SERPINA11: variants seen among roughly 807,000 people sequenced by gnomAD.
The protein encoded by SERPINA11 is serpin A11.
Under a neutral mutation model 29.4 loss-of-function variants are expected in SERPINA11, and 28 were observed. The observed-to-expected ratio is 0.95, with a 90% CI of 0.70 to 1.30. SERPINA11 has a LOEUF of 1.30. Among genes scored for constraint, SERPINA11 ranks in the 50% most tolerant of loss-of-function variants. The probability of loss-of-function intolerance (pLI) is 0.00; values close to 1 mark genes in which losing one functional copy is unlikely to be tolerated. For missense variants in SERPINA11, 530 were observed against 507.3 expected (o/e 1.04, Z -0.43); for synonymous variants, 253 against 206.6 (o/e 1.22, Z -1.92).
chr14:94,448,191 C>A lies in SERPINA11; in HGVS notation c.584G>T (p.Cys195Phe). The change falls in exon 2 of 5, where the codon TGC (cysteine) becomes TTC (phenylalanine). Residue 195 changes from cysteine (C) to phenylalanine (F), a missense_variant. Transcript: ENST00000334708. ...RRQTYGQVVD[C>F]LPEFSQDTFM... ...CGTGTCCTGGCTGAACTCCGGGAGGCAGTCCACGACTTGCCCGTATGTTTG... is the reference window on the plus strand; with the variant it reads ...CGTGTCCTGGCTGAACTCCGGGAGGAAGTCCACGACTTGCCCGTATGTTTG... 1 of 1,614,212 alleles carries A rather than the reference C, an allele frequency of 6.2e-7. No homozygotes were observed. The highest frequency in any genetic ancestry group is 8.5e-7 in the Non-Finnish European group (1 of 1,180,024).
Position 94,448,644 on chromosome 14 carries a change from G to A in SERPINA11, c.131C>T (p.Ala44Val), listed in dbSNP as rs750535308. 32 of 1,601,004 alleles carry A rather than the reference G, an allele frequency of 2.0e-5. No homozygotes were observed. Among genetic ancestry groups the A allele is most frequent in the Non-Finnish European group, 2.6e-5 (30 of 1,172,272 alleles). ...QPPRHQLSEP[A>V]PAYHRITPTI... ...GGGTGTGATTCTGTGGTAGGCGGGG[G>A]CTGGCTCTGAGAGCTGATGCCTGGG... is the stretch of plus-strand genomic sequence containing the variant. The change falls in exon 2 of 5, where the codon GCC (alanine) becomes GTC (valine). Residue 44 changes from alanine to valine, a missense_variant. Coordinates refer to ENST00000334708, the MANE Select transcript of SERPINA11 (RefSeq NM_001080451.2).
At position 94,448,490 on chromosome 14, in the gene SERPINA11, G is replaced by A. The variant is rs1165013121; in HGVS notation, c.285C>T (p.Thr95=). 1 of 1,614,206 alleles carries A rather than the reference G, an allele frequency of 6.2e-7. No individual in the cohort carries two copies. Among genetic ancestry groups the A allele is most frequent in the Non-Finnish European group, 8.5e-7 (1 of 1,180,042 alleles). The change falls in exon 2 of 5, where the codon ACC becomes ACT. Residue 95 remains threonine (T), a synonymous_variant. Transcript: ENST00000334708. ...ALLSLGAQAN[T]SALILEGLGF... is the part of the protein sequence containing the mutation. ...CCAGGCCCTCCAGGATCAGAGCTGA[G>A]GTGTTAGCTTGGGCCCCAAGAGAGA...
In SERPINA11 at chr14:94,452,780, A is replaced by G. The variant is rs1279624455; in HGVS notation, c.-55T>C. The stretch of plus-strand genomic sequence containing the variant: ...AGGTCTTCAGCACTGCATCACCTCT[A>G]CCCACAGGAAAATGGTGTTTGAAGA... On this transcript the variant is annotated 5_prime_UTR_variant, in exon 1 of 5. Transcript: ENST00000334708. 1.3e-5 allele frequency: 2 copies of G among 152,308 alleles called. No individual in the cohort carries two copies. Among genetic ancestry groups the G allele is most frequent in the African/African-American group, 4.8e-5 (2 of 41,442 alleles). 9.4% of individuals were successfully genotyped at this position (152,308 alleles called of 1,614,324 possible).
In SERPINA11 at chr14:94,449,471, T is replaced by TTCTG. The variant is rs1566784732; in HGVS notation, c.-3-695_-3-694insCAGA. Among the ~76,000 whole-genome samples the TTCTG allele has an allele frequency of 6.3e-3, 686 of 108,572 alleles. 19 individuals are homozygous for TTCTG. Among genetic ancestry groups the TTCTG allele is most frequent in the African/African-American group, 0.029 (638 of 21,854 alleles). 71.2% of individuals were successfully genotyped at this position (108,572 alleles called of 152,430 possible). ...TTTCTTTCTTTCTTTCTTTCTTTCTTTCTTTCTTTCTGTCTGTCTGTCTTT... is the reference window on the plus strand; with the variant it reads ...TTTCTTTCTTTCTTTCTTTCTTTCTTTCTGTCTTTCTTTCTGTCTGTCTGTCTTT... On this transcript the variant is annotated intron_variant, in intron 1 of 4. Transcript: ENST00000334708.
At chr14:94,446,192 G>T (rs904715886) in intron 3 of SERPINA11, 139 bp downstream of exon 3, 8 of 825,968 alleles carry the variant, frequency 9.7e-6, no homozygotes, top group Non-Finnish European at 1.6e-5. Flanking sequence ...TGAGAAAATT[G>T]CCAAGATCAC....
chr14:94,448,637 G>C lies in SERPINA11; in HGVS notation c.138C>G (p.Ala46=), dbSNP rs111846660. The part of the protein sequence containing the change: ...PRHQLSEPAP[A]YHRITPTITN... Reference sequence around the variant, plus strand: ...TAATGGTGGGTGTGATTCTGTGGTAGGCGGGGGCTGGCTCTGAGAGCTGAT... The same window carrying C: ...TAATGGTGGGTGTGATTCTGTGGTACGCGGGGGCTGGCTCTGAGAGCTGAT... The change falls in exon 2 of 5, where the codon GCC becomes GCG. Residue 46 remains alanine (A), a synonymous_variant. Coordinates refer to ENST00000334708, the MANE Select transcript of SERPINA11 (RefSeq NM_001080451.2). The C allele has an allele frequency of 4.0e-5, 64 of 1,604,004 alleles. 2 individuals are homozygous for C. The highest frequency in any genetic ancestry group is 2.8e-4 in the African/African-American group (21 of 74,744).
chr14:94,448,841 C>A (rs1898501119), intron 1 of SERPINA11, 64 bp from the exon 2 acceptor site: 4 of 1,429,164 alleles, frequency 2.8e-6, no homozygotes, highest in Admixed American at 2.4e-5. Context: ...CTCTATTGCT[C>A]ATACCACAAA....
At position 94,448,269 on chromosome 14, in the gene SERPINA11, T is replaced by A; in HGVS notation, c.506A>T (p.Asn169Ile). The change falls in exon 2 of 5, where the codon AAC becomes ATC. Residue 169 changes from asparagine to isoleucine, a missense_variant. Physicochemically the swap from Asn to Ile is moderately radical, Grantham distance 149. Transcript: ENST00000334708. ...ELYGAFAFSANFTDSVTTGRQ... is the reference protein window; with the variant it reads ...ELYGAFAFSAIFTDSVTTGRQ... ...CCCAGTTGTAACAGAATCTGTGAAG[T>A]TGGCAGAAAAAGCAAAAGCTCCATA... The A allele has an allele frequency of 6.2e-7, 1 of 1,614,232 alleles. No individual in the cohort carries two copies. Among genetic ancestry groups the A allele is most frequent in the Non-Finnish European group, 8.5e-7 (1 of 1,180,040 alleles).
At chr14:94,447,367 C>T (rs1331045122) in intron 2 of SERPINA11, among the ~76,000 whole-genome samples, 1 of 152,136 alleles carries the variant, frequency 6.6e-6, no homozygotes, top group Non-Finnish European at 1.5e-5. Context: ...ATACCCACAC[C>T]CAATCAATGA....
Position 94,442,648 on chromosome 14 carries a change from G to A in SERPINA11, c.1227C>T (p.Ser409=), listed in dbSNP as rs1321900897. The A allele has an allele frequency of 2.5e-6, 4 of 1,612,284 alleles. No individual in the cohort carries two copies. The East Asian group carries it at 6.7e-5, about 27-fold the overall frequency. Residue 409 remains serine, a synonymous_variant, in exon 5 of 5, where the codon AGC becomes AGT. Transcript: ENST00000334708. ...TGACAACTTTTCCCAGGAAGAGTAAGCTCTGGGTGGTGACCTCCCAAAGGA... is the reference window on the plus strand; with the variant it reads ...TGACAACTTTTCCCAGGAAGAGTAAACTCTGGGTGGTGACCTCCCAAAGGA... ...LLLLWEVTTQ[S]LLFLGKVVNP... is the part of the protein sequence containing the mutation.
chr14:94,448,297 G>C lies in SERPINA11; in HGVS notation c.478C>G (p.Leu160Val). 6.2e-7 allele frequency: 1 copy of C among 1,614,234 alleles called. No individual in the cohort carries two copies. The highest frequency in any genetic ancestry group is 8.5e-7 in the Non-Finnish European group (1 of 1,180,046). The stretch of plus-strand genomic sequence containing the variant: ...GCAGAAAAAGCAAAAGCTCCATAAA[G>C]CTCCTTGATGCTGTCCAAATAGTGC... ...RQHYLDSIKE[L>V]YGAFAFSANF... The change falls in exon 2 of 5, where the codon CTT becomes GTT. Residue 160 changes from leucine to valine, a missense_variant. Physicochemically the swap from Leu to Val is conservative, Grantham distance 32. Transcript: ENST00000334708.
chr14:94,442,732 G>A lies in SERPINA11; in HGVS notation c.1143C>T (p.Pro381=), dbSNP rs746196201. The A allele has an allele frequency of 1.9e-6, 3 of 1,613,770 alleles. 1 individual carries two copies. The South Asian group carries it at 3.3e-5, about 18-fold the overall frequency. ...GGTCTGACATGGTGTTCAGAGATGG[G>A]GGCTGGGAGAGGAGGCCTGAAGCAG... is the stretch of plus-strand genomic sequence containing the variant. ...AGAASGLLSQ[P]PSLNTMSDPH... Residue 381 remains proline, a synonymous_variant, in exon 5 of 5, where the codon CCC becomes CCT. Transcript: ENST00000334708.
At position 94,442,824 on chromosome 14, in the gene SERPINA11, G is replaced by C; in HGVS notation, c.1066-15C>G. ...TTGTGTGACACCTAGAGGACAAGAGGAGATGAAGACAGCATCAGTTTGGGG... is the reference window on the plus strand; with the variant it reads ...TTGTGTGACACCTAGAGGACAAGAGCAGATGAAGACAGCATCAGTTTGGGG... On this transcript the variant is annotated splice_polypyrimidine_tract_variant and intron_variant, in intron 4 of 4. Coordinates refer to ENST00000334708, the MANE Select transcript of SERPINA11 (RefSeq NM_001080451.2). 6 of 1,586,540 alleles carry C rather than the reference G, an allele frequency of 3.8e-6. No homozygotes were observed. The highest frequency in any genetic ancestry group is 5.1e-6 in the Non-Finnish European group (6 of 1,166,136).
rs375819770 is a variant in SERPINA11, at chr14:94,442,565, G to C, written c.*41C>G. The C allele has an allele frequency of 1.4e-6, 2 of 1,480,382 alleles. No individual in the cohort carries two copies. The highest frequency in any genetic ancestry group is 1.9e-6 in the Non-Finnish European group (2 of 1,079,550). The allele number at this position is 1,480,382 out of a possible 1,614,324, so 91.7% of individuals were successfully genotyped here. A position where few individuals can be genotyped will look rare whatever the true frequency, so the allele number is the denominator to read the frequency against. On this transcript the variant is annotated 3_prime_UTR_variant, in exon 5 of 5. Coordinates refer to ENST00000334708, the MANE Select transcript of SERPINA11 (RefSeq NM_001080451.2). ...AGGCTGGTTCTGGCCTATCTGTTTG[G>C]TCCAGGATGAGATAAGATAACTCCT...
intron 3 of SERPINA11, among the ~76,000 whole-genome samples, chr14:94,443,467 T>A (rs1898381430): frequency 1.3e-5 from 2 of 152,224 alleles, no homozygotes; most frequent in South Asian, 4.1e-4. Flanking sequence ...CACAGCTACC[T>A]GTCTTTGTCA....
chr14:94,448,603 C>A lies in SERPINA11; in HGVS notation c.172G>T (p.Ala58Ser). 6.2e-7 allele frequency: 1 copy of A among 1,613,540 alleles called. No individual in the cohort carries two copies. Among genetic ancestry groups the A allele is most frequent in the Non-Finnish European group, 8.5e-7 (1 of 1,179,592 alleles). The change falls in exon 2 of 5, where the codon GCT (alanine) becomes TCT (serine). Residue 58 changes from alanine to serine, a missense_variant. Transcript: ENST00000334708. ...HRITPTITNF[A>S]LRLYKELAAD... The stretch of plus-strand genomic sequence containing the variant: ...GCCAGCTCTTTATACAAACGCAAAG[C>A]AAAATTGGTAATGGTGGGTGTGATT...
intron 1 of SERPINA11, among the ~76,000 whole-genome samples, chr14:94,449,461 CTTTCTTT>C (rs1898535381): frequency 8.7e-6 from 1 of 114,324 alleles, no homozygotes; most frequent in Non-Finnish European, 1.6e-5. Flanking sequence ...TTCTTTCTTT[CTTTCTTT>C]CTTTCTTTCT....
At chr14:94,450,584 C>T (rs898262636) in intron 1 of SERPINA11, among the ~76,000 whole-genome samples, 3 of 152,204 alleles carry the variant, frequency 2.0e-5, no homozygotes, top group African/African-American at 4.8e-5. Context: ...GGACTTCTAA[C>T]CTCCAGAACT....
intron 3 of SERPINA11, among the ~76,000 whole-genome samples, chr14:94,444,326 C>T (rs1490646766): frequency 1.3e-5 from 2 of 152,124 alleles, no homozygotes; most frequent in Non-Finnish European, 2.9e-5. Context: ...TGGAGTGAAA[C>T]ATGGCAGAGT....
Sources: allele counts gnomAD v4.1 joint callset (sites outside exome capture counted in the v4.1 genomes callset), GRCh38; gene constraint gnomAD v4.1.1; transcripts MANE v1.5; gene names NCBI Gene and HGNC (gene_info 2026-07-23, HGNC 2026-07-21).